The following TMEM108 variants were observed in gnomAD, a reference collection of about 807,000 sequenced individuals.
TMEM108 encodes transmembrane protein 108, also known as cancer/testis antigen 124.
A neutral mutation model predicts 35.1 loss-of-function variants in TMEM108; 12 were observed. That is an observed-to-expected ratio of 0.34 (90% confidence interval 0.22 to 0.55). TMEM108 has a LOEUF of 0.55. Ranked by LOEUF, TMEM108 falls within the 20% of genes least tolerant of loss-of-function variation. The pLI is 0.89. For synonymous variants in TMEM108, 287 were observed against 308.6 expected, an observed-to-expected ratio of 0.93 and a Z score of 0.73; for missense variants, 680 against 753.3, an observed-to-expected ratio of 0.90 and a Z score of 1.14.
chr3:133,147,973 A>G (rs1187583671), intron 2 of TMEM108, among the ~76,000 whole-genome samples: 6 of 152,166 alleles, frequency 3.9e-5, no homozygotes, highest in African/African-American at 4.8e-5. Context: ...GATAAATCCT[A>G]TGGTGCTGGA....
chr3:133,112,892 A>C (rs1179500337), intron 2 of TMEM108, among the ~76,000 whole-genome samples: 1 of 152,226 alleles, frequency 6.6e-6, no homozygotes, highest in Non-Finnish European at 1.5e-5. Flanking sequence ...CACAGGATTT[A>C]TGGTTAAAAT....
At chr3:133,268,222 G>A (rs1946724862) in intron 3 of TMEM108, among the ~76,000 whole-genome samples, 3 of 152,340 alleles carry the variant, frequency 2.0e-5, no homozygotes, top group South Asian at 4.1e-4. Flanking sequence ...TATGGAGAAA[G>A]GTCCTTGGAA....
At chr3:133,180,622 CT>C (rs1407342498) in intron 2 of TMEM108, among the ~76,000 whole-genome samples, 3 of 152,060 alleles carry the variant, frequency 2.0e-5, no homozygotes, top group Admixed American at 6.6e-5. Context: ...TTAAATGAAT[CT>C]TTTTCTATAC....
intron 3 of TMEM108, among the ~76,000 whole-genome samples, chr3:133,260,304 A>G (rs9828565): frequency 1.5e-5 from 2 of 133,406 alleles, no homozygotes; most frequent in African/African-American, 5.9e-5. Context: ...AAAAAAAAAA[A>G]TTTATTATCA....
chr3:133,254,742 C>T (rs1189869389), intron 3 of TMEM108, among the ~76,000 whole-genome samples: 2 of 152,172 alleles, frequency 1.3e-5, no homozygotes, highest in Admixed American at 6.5e-5. Context: ...CCCAGACCTT[C>T]GTGGCATAAA....
intron 2 of TMEM108, among the ~76,000 whole-genome samples, chr3:133,176,533 A>G (rs896313760): frequency 3.3e-5 from 5 of 152,216 alleles, no homozygotes; most frequent in African/African-American, 1.2e-4. Context: ...CTACTCAACT[A>G]CATGGAAACT....
chr3:133,098,362 C>T (rs1470667704), intron 2 of TMEM108, among the ~76,000 whole-genome samples: 1 of 152,196 alleles, frequency 6.6e-6, no homozygotes, highest in Non-Finnish European at 1.5e-5. Context: ...CCTCCCACAA[C>T]ACATGGGAAT....
intron 2 of TMEM108, among the ~76,000 whole-genome samples, chr3:133,075,209 T>C (rs965654589): frequency 6.6e-6 from 1 of 152,196 alleles, no homozygotes; most frequent in Admixed American, 6.5e-5. Context: ...CTGCTTTTGA[T>C]TGCACATCAA....
At chr3:133,176,559 G>C (rs1945232732) in intron 2 of TMEM108, among the ~76,000 whole-genome samples, 1 of 152,124 alleles carries the variant, frequency 6.6e-6, no homozygotes, top group East Asian at 1.9e-4. Flanking sequence ...ACCTGCTCCT[G>C]AATGACTACT....
At chr3:133,154,730 A>T (rs1178167369) in intron 2 of TMEM108, among the ~76,000 whole-genome samples, 2 of 152,130 alleles carry the variant, frequency 1.3e-5, no homozygotes, top group African/African-American at 4.8e-5. Context: ...GGGACGGGGA[A>T]GGGATAGTAT....
At chr3:133,243,745 G>C (rs910235178) in intron 3 of TMEM108, among the ~76,000 whole-genome samples, 2 of 146,868 alleles carry the variant, frequency 1.4e-5, no homozygotes, top group South Asian at 4.5e-4. Flanking sequence ...GGATGGTCTC[G>C]ATCTCCTGAC....
At chr3:133,210,809 C>T (rs1023427204) in intron 2 of TMEM108, among the ~76,000 whole-genome samples, 1 of 152,174 alleles carries the variant, frequency 6.6e-6, no homozygotes, top group African/African-American at 2.4e-5. Context: ...ATTGGCCCAA[C>T]CTACTCTTGC....
intron 2 of TMEM108, among the ~76,000 whole-genome samples, chr3:133,111,233 C>T (rs1944220577): frequency 6.6e-6 from 1 of 152,126 alleles, no homozygotes. Context: ...CTTGAAAAAA[C>T]AGTCTTAGGT....
chr3:133,386,480 C>A (rs927097745), intron 4 of TMEM108: 26 of 1,535,852 alleles, frequency 1.7e-5, no homozygotes, highest in Non-Finnish European at 2.3e-5. Flanking sequence ...GTACTCAGGG[C>A]TCCATCTGAA....
At chr3:133,067,164 G>A (rs1042375821) in intron 2 of TMEM108, among the ~76,000 whole-genome samples, 10 of 152,066 alleles carry the variant, frequency 6.6e-5, no homozygotes, top group African/African-American at 2.4e-4. Context: ...CCAATTTGTT[G>A]TGTCATGGGG....
intron 2 of TMEM108, among the ~76,000 whole-genome samples, chr3:133,116,914 C>T (rs1363783638): frequency 6.6e-6 from 1 of 152,136 alleles, no homozygotes; most frequent in Admixed American, 6.5e-5. Context: ...AGACTACGGG[C>T]GTGCACTACC....
chr3:133,083,963 A>G (rs758922390), intron 2 of TMEM108, among the ~76,000 whole-genome samples: 2 of 152,182 alleles, frequency 1.3e-5, no homozygotes, highest in Non-Finnish European at 1.5e-5. Context: ...ACTATTTCTT[A>G]AGACACTGAA....
At chr3:133,311,118 G>C (rs1203804472) in intron 3 of TMEM108, among the ~76,000 whole-genome samples, 2 of 152,152 alleles carry the variant, frequency 1.3e-5, no homozygotes, top group African/African-American at 4.8e-5. Flanking sequence ...GCTTCCCTTT[G>C]TGGGTAACCT....
Position 133,057,433 on chromosome 3 carries a change from GTGTATATATATATA to G in TMEM108, c.-47+11415_-47+11428del, listed in dbSNP as rs1430963953. ...TATGGGCTATTAGTTGTGTGTGTGT[GTGTATATATATATA>G]TATATATATATATATATATATATAT... On this transcript the variant is annotated intron_variant, in intron 2 of 5. Transcript: ENST00000321871. 6.2e-3 allele frequency among the ~76,000 whole-genome samples: 153 copies of G among 24,832 alleles called. 6 individuals are homozygous for G. Among genetic ancestry groups the G allele is most frequent in the African/African-American group, 0.013 (140 of 10,872 alleles). 16.3% of individuals were successfully genotyped at this position (24,832 alleles called of 152,430 possible).
Sources: allele counts gnomAD v4.1 joint callset (sites outside exome capture counted in the v4.1 genomes callset), GRCh38; gene constraint gnomAD v4.1.1; transcripts MANE v1.5; gene names NCBI Gene and HGNC (gene_info 2026-07-23, HGNC 2026-07-21).